The following TMEM217B variants were observed in gnomAD, a reference collection of about 807,000 sequenced individuals.
TMEM217B encodes the protein putative transmembrane protein 217B.
At chr6:37,241,696 A>T in the TMEM217B span, among the ~76,000 whole-genome samples, 1 of 152,208 alleles carries the variant, frequency 6.6e-6, no homozygotes, top group Non-Finnish European at 1.5e-5. Context: ...GTCTGGCAAT[A>T]TCCAGGCCAA....
chr6:37,239,999 C>T, the TMEM217B span, among the ~76,000 whole-genome samples: 1 of 151,918 alleles, frequency 6.6e-6, no homozygotes, highest in Non-Finnish European at 1.5e-5. Context: ...GGAAATCTGG[C>T]AGTGGCAGCC....
the TMEM217B span, chr6:37,257,739 C>A: frequency 1.6e-6 from 1 of 638,266 alleles, no homozygotes; most frequent in Non-Finnish European, 2.6e-6. Flanking sequence ...GCGCAGCTCA[C>A]CAATGGCAGC....
At chr6:37,213,055 T>A in the TMEM217B span, 1 of 1,119,204 alleles carries the variant, frequency 8.9e-7, no homozygotes. Context: ...CTTAGACAAA[T>A]CCCCCAAGTC....
the TMEM217B span, among the ~76,000 whole-genome samples, chr6:37,239,537 AT>A: frequency 6.6e-6 from 1 of 152,196 alleles, no homozygotes; most frequent in Non-Finnish European, 1.5e-5. Context: ...ATGAGAAAGC[AT>A]TGAAGCATAG....
chr6:37,228,716 A>T, the TMEM217B span, among the ~76,000 whole-genome samples: 2 of 151,632 alleles, frequency 1.3e-5, no homozygotes, highest in Non-Finnish European at 1.5e-5. Flanking sequence ...TAATAATAAT[A>T]GCTGGGCGCA....
chr6:37,232,395 C>A, the TMEM217B span, among the ~76,000 whole-genome samples: 1 of 152,148 alleles, frequency 6.6e-6, no homozygotes, highest in Non-Finnish European at 1.5e-5. Flanking sequence ...GTTTTGTTTT[C>A]TTTTTTTTGA....
chr6:37,228,587 C>T, the TMEM217B span, among the ~76,000 whole-genome samples: 1 of 152,156 alleles, frequency 6.6e-6, no homozygotes, highest in African/African-American at 2.4e-5. Flanking sequence ...GCCTGTAGTC[C>T]CAGATACTCG....
At chr6:37,239,852 T>C in the TMEM217B span, among the ~76,000 whole-genome samples, 1 of 151,186 alleles carries the variant, frequency 6.6e-6, no homozygotes, top group Admixed American at 6.6e-5. Flanking sequence ...CCCAGGGGTT[T>C]CAGACCAGCC....
the TMEM217B span, among the ~76,000 whole-genome samples, chr6:37,246,651 C>T: frequency 3.3e-5 from 5 of 152,078 alleles, no homozygotes; most frequent in Admixed American, 3.3e-4. Context: ...GTCTGTAACC[C>T]CGGCACTTTG....
the TMEM217B span, chr6:37,218,622 C>T: frequency 6.2e-7 from 1 of 1,614,166 alleles, no homozygotes; most frequent in Non-Finnish European, 8.5e-7. Flanking sequence ...CAGTGCATGA[C>T]TGTACGAGAC....
the TMEM217B span, among the ~76,000 whole-genome samples, chr6:37,225,683 T>C: frequency 6.6e-6 from 1 of 152,250 alleles, no homozygotes; most frequent in African/African-American, 2.4e-5. Flanking sequence ...CAAAGACTGA[T>C]AATTGTCTCC....
chr6:37,240,908 CTAG>C, the TMEM217B span, among the ~76,000 whole-genome samples: 1 of 151,954 alleles, frequency 6.6e-6, no homozygotes, highest in African/African-American at 2.4e-5. Flanking sequence ...TTCATTTAAC[CTAG>C]TAGTAGGTGA....
At chr6:37,233,741 G>C in the TMEM217B span, among the ~76,000 whole-genome samples, 2 of 152,178 alleles carry the variant, frequency 1.3e-5, no homozygotes, top group African/African-American at 4.8e-5. Flanking sequence ...TAACCATACA[G>C]ATGGTCCCTA....
At chr6:37,255,244 A>C in the TMEM217B span, among the ~76,000 whole-genome samples, 1 of 152,226 alleles carries the variant, frequency 6.6e-6, no homozygotes, top group Admixed American at 6.5e-5. Context: ...AGCAAGAAAG[A>C]AAGCATAATG....
the TMEM217B span, among the ~76,000 whole-genome samples, chr6:37,244,707 C>T: frequency 6.6e-6 from 1 of 152,158 alleles, no homozygotes; most frequent in South Asian, 2.1e-4. Flanking sequence ...CATAAAACCA[C>T]AATGGCATGT....
the TMEM217B span, among the ~76,000 whole-genome samples, chr6:37,244,836 T>C: frequency 2.0e-5 from 3 of 152,212 alleles, no homozygotes; most frequent in Non-Finnish European, 2.9e-5. Flanking sequence ...CAACTGTTGG[T>C]TGGCCAGGCA....
At chr6:37,240,578 T>C in the TMEM217B span, among the ~76,000 whole-genome samples, 3 of 152,184 alleles carry the variant, frequency 2.0e-5, no homozygotes, top group Admixed American at 6.5e-5. Context: ...AGCTATTTAA[T>C]TGGTCACACT....
the TMEM217B span, among the ~76,000 whole-genome samples, chr6:37,228,428 G>T: frequency 6.6e-6 from 1 of 152,334 alleles, no homozygotes; most frequent in South Asian, 2.1e-4. Flanking sequence ...ATAAGGCCAG[G>T]CGTGATGGCT....
the TMEM217B span, among the ~76,000 whole-genome samples, chr6:37,215,994 G>GGTGTGTGT: frequency 5.8e-4 from 86 of 149,182 alleles, no homozygotes; most frequent in Middle Eastern, 0.01. Flanking sequence ...GGTTCTTCAG[G>GGTGTGTGT]GTGTGTGTGT....
Sources: gnomAD v4.1 joint callset for allele counts (sites outside exome capture counted in the v4.1 genomes callset) on GRCh38, gnomAD v4.1.1 for gene constraint, MANE v1.5 for transcripts, NCBI Gene and HGNC (gene_info 2026-07-23, HGNC 2026-07-21) for gene names.